ANXA13: variants seen among roughly 807,000 people sequenced by gnomAD.
ANXA13 encodes the protein annexin A13.
In ANXA13, 36 loss-of-function variants were observed where a neutral mutation model predicts 46.6. The observed-to-expected ratio is 0.77, with a 90% CI of 0.59 to 1.02. ANXA13 has a LOEUF of 1.02. Ranked by LOEUF, ANXA13 falls within the 50% of genes least tolerant of loss-of-function variation. The pLI, the probability that ANXA13 is intolerant of heterozygous loss-of-function variation, is 0.00. For synonymous variants in ANXA13, 163 were observed against 152.9 expected, an observed-to-expected ratio of 1.07 and a Z score of -0.49; for missense variants, 417 against 396.5, an observed-to-expected ratio of 1.05 and a Z score of -0.44.
Position 123,730,808 on chromosome 8 carries a change from G to A in ANXA13, c.15+6512C>T, listed in dbSNP as rs114744595. Among the ~76,000 whole-genome samples, 1,151 of 152,282 alleles carry A rather than the reference G, an allele frequency of 7.6e-3. 16 individuals carry two copies. Among genetic ancestry groups the A allele is most frequent in the African/African-American group, 0.026 (1,062 of 41,548 alleles). On this transcript the variant is annotated intron_variant, in intron 1 of 10. Coordinates refer to ENST00000419625, the MANE Select transcript of ANXA13 (RefSeq NM_004306.4). ...TTCACAGTTGTGGCAGAAGGTGAAG[G>A]AGGAGCAAAGTCACATCTTACATGG...
At position 123,734,073 on chromosome 8, in the gene ANXA13, G is replaced by T. The variant is rs140717090; in HGVS notation, c.15+3247C>A. Among the ~76,000 whole-genome samples the T allele has an allele frequency of 3.8e-3, 585 of 152,318 alleles. 1 individual carries two copies. The highest frequency in any genetic ancestry group is 1.0e-2 in the South Asian group (48 of 4,824). ...TCCAGGGACCATACTTTGAGTAGCA[G>T]GGCTGTAGTCCTTTCTATTGCCTGT... On this transcript the variant is annotated intron_variant, in intron 1 of 10. Coordinates refer to ENST00000419625, the MANE Select transcript of ANXA13 (RefSeq NM_004306.4).
At chr8:123,720,209 G>T (rs1813836112) in intron 1 of ANXA13, among the ~76,000 whole-genome samples, 1 of 152,182 alleles carries the variant, frequency 6.6e-6, no homozygotes, top group African/African-American at 2.4e-5. Context: ...GGGAGCAGAG[G>T]GCAGAGGGCT....
In ANXA13 at chr8:123,686,783, T is replaced by C. The variant is rs540720105; in HGVS notation, c.719-2061A>G. On this transcript the variant is annotated intron_variant, in intron 9 of 10. Coordinates refer to ENST00000419625, the MANE Select transcript of ANXA13 (RefSeq NM_004306.4). The stretch of plus-strand genomic sequence containing the variant: ...TGGATGTGGTGGGAGCCATTTGACC[T>C]CACCCCCTGCTCCTAGATGTTAGTC... Among the ~76,000 whole-genome samples, 10 of 152,212 alleles carry C rather than the reference T, an allele frequency of 6.6e-5. No homozygotes were observed. The East Asian group carries it at 1.9e-3, about 29-fold the overall frequency.
At chr8:123,737,150 C>A (rs1004477912) in intron 1 of ANXA13, among the ~76,000 whole-genome samples, 170 bp downstream of exon 1, 5 of 151,912 alleles carry the variant, frequency 3.3e-5, no homozygotes, top group African/African-American at 4.8e-5. Flanking sequence ...TGTGAGCCAC[C>A]GCACCCGGCC....
At chr8:123,688,279 C>A (rs770026224) in intron 9 of ANXA13, among the ~76,000 whole-genome samples, 2 of 152,188 alleles carry the variant, frequency 1.3e-5, no homozygotes, top group Non-Finnish European at 2.9e-5. Flanking sequence ...GGGGTTTCCT[C>A]TTTCGCTTGG....
At chr8:123,702,263 T>G (rs1813459076) in intron 3 of ANXA13, among the ~76,000 whole-genome samples, 1 of 151,962 alleles carries the variant, frequency 6.6e-6, no homozygotes, top group African/African-American at 2.4e-5. Context: ...AGAGTTTTTT[T>G]GGTAGTTTTC....
At chr8:123,695,437 T>C (rs1813311549) in intron 6 of ANXA13, 65 bp downstream of exon 6, 6 of 1,217,230 alleles carry the variant, frequency 4.9e-6, no homozygotes, top group South Asian at 2.6e-5. Context: ...TTTTTCATCA[T>C]GGTGCCATGT....
chr8:123,735,786 G>C, intron 1 of ANXA13: 2 of 1,612,562 alleles, frequency 1.2e-6, no homozygotes, highest in Non-Finnish European at 1.7e-6. Flanking sequence ...TCCATTCCGT[G>C]ATGGGTGGCT....
chr8:123,735,287 T>C (rs1188941639), intron 1 of ANXA13, among the ~76,000 whole-genome samples: 1 of 152,250 alleles, frequency 6.6e-6, no homozygotes, highest in Non-Finnish European at 1.5e-5. Context: ...GTTTTGGTTG[T>C]GTAGCTGTTT....
chr8:123,737,181 G>T, intron 1 of ANXA13, 139 bp downstream of exon 1: 1 of 828,558 alleles, frequency 1.2e-6, no homozygotes, highest in Non-Finnish European at 1.9e-6. Flanking sequence ...TTAAAAGCAT[G>T]GTATGCTGTT....
intron 1 of ANXA13, among the ~76,000 whole-genome samples, chr8:123,713,937 G>C (rs1004440654): frequency 6.6e-6 from 1 of 152,050 alleles, no homozygotes; most frequent in Non-Finnish European, 1.5e-5. Context: ...CAGGCAATCT[G>C]CCTGCCTTGG....
In ANXA13 at chr8:123,680,949, TC is replaced by T. The variant is rs1224024001; in HGVS notation, c.*290del. ...CCATTACAAATGCATAGTTTTTTCATCAACTGCTGATTTCATTAGTGTTTAG... is the reference window on the plus strand; with the variant it reads ...CCATTACAAATGCATAGTTTTTTCATAACTGCTGATTTCATTAGTGTTTAG... On this transcript the variant is annotated 3_prime_UTR_variant, in exon 11 of 11. Coordinates refer to ENST00000419625, the MANE Select transcript of ANXA13 (RefSeq NM_004306.4). The T allele has an allele frequency of 3.3e-6, 1 of 305,526 alleles. No homozygotes were observed. Among genetic ancestry groups the T allele is most frequent in the Non-Finnish European group, 6.0e-6 (1 of 165,340 alleles). 18.9% of individuals were successfully genotyped at this position (305,526 alleles called of 1,614,324 possible). A position where few individuals can be genotyped will look rare whatever the true frequency, so the allele number is the denominator to read the frequency against.
chr8:123,723,613 G>T (rs1257712120), intron 1 of ANXA13, among the ~76,000 whole-genome samples: 1 of 152,190 alleles, frequency 6.6e-6, no homozygotes, highest in African/African-American at 2.4e-5. Context: ...CACAGTGAAA[G>T]TATTTACACC....
rs1813375580 is a variant in ANXA13 at position 123,698,067 on chromosome 8, G to T, written c.357+322C>A. Reference sequence around the variant, plus strand: ...CTTGGGCTGCTTGTTGATTTTTCATGTCAGAAGAGCCGCAAAGTCAGGCTG... The same window carrying T: ...CTTGGGCTGCTTGTTGATTTTTCATTTCAGAAGAGCCGCAAAGTCAGGCTG... On this transcript the variant is annotated intron_variant, in intron 4 of 10. Coordinates refer to ENST00000419625, the MANE Select transcript of ANXA13 (RefSeq NM_004306.4). Among the ~76,000 whole-genome samples the T allele has an allele frequency of 3.9e-5, 6 of 152,214 alleles. No homozygotes were observed. The South Asian group carries it at 1.2e-3, about 31-fold the overall frequency.
chr8:123,710,852 C>T (rs911468351), intron 2 of ANXA13, among the ~76,000 whole-genome samples: 8 of 152,160 alleles, frequency 5.3e-5, no homozygotes, highest in African/African-American at 1.9e-4. Context: ...GAAAGTTTAA[C>T]CGTTTCTCAA....
intron 2 of ANXA13, among the ~76,000 whole-genome samples, chr8:123,704,979 C>A (rs1813513401): frequency 6.6e-6 from 1 of 152,234 alleles, no homozygotes; most frequent in African/African-American, 2.4e-5. Flanking sequence ...AGTCAACTTC[C>A]CACGGATCTC....
chr8:123,695,746 A>C, intron 4 of ANXA13, 25 bp from the exon 5 acceptor site: 1 of 1,598,986 alleles, frequency 6.3e-7, no homozygotes, highest in Non-Finnish European at 8.6e-7. Flanking sequence ...TTACAAAAAA[A>C]TCAATATTCC....
chr8:123,684,624 C>G lies in ANXA13; in HGVS notation c.817G>C (p.Val273Leu), dbSNP rs146940747. 1.9e-6 allele frequency: 3 copies of G among 1,613,560 alleles called. No homozygotes were observed. The highest frequency in any genetic ancestry group is 2.7e-5 in the African/African-American group (2 of 74,894). ...TDEETLIRIV[V>L]TRAEVDLQGI... is the part of the protein sequence containing the mutation. The stretch of plus-strand genomic sequence containing the variant: ...GTGTGTCTTACCTCGGCCCTGGTCA[C>G]GACTATGCGAATCAACGTCTCCTCA... The change falls in exon 10 of 11, where the codon GTG (valine) becomes CTG (leucine). Residue 273 changes from valine (V) to leucine (L), a missense_variant. Physicochemically the swap from Val to Leu is conservative, Grantham distance 32. Coordinates refer to ENST00000419625, the MANE Select transcript of ANXA13 (RefSeq NM_004306.4).
intron 3 of ANXA13, among the ~76,000 whole-genome samples, chr8:123,699,218 C>T (rs909076106): frequency 2.0e-5 from 3 of 152,286 alleles, no homozygotes; most frequent in Non-Finnish European, 4.4e-5. Context: ...GTGACTTTGT[C>T]ACCCAGGCTG....
Sources: gnomAD v4.1 joint callset for allele counts (sites outside exome capture counted in the v4.1 genomes callset) on GRCh38, gnomAD v4.1.1 for gene constraint, MANE v1.5 for transcripts, NCBI Gene and HGNC (gene_info 2026-07-23, HGNC 2026-07-21) for gene names.